GGA2: variants seen among roughly 807,000 people sequenced by gnomAD.
GGA2 encodes the protein golgi associated, gamma adaptin ear containing, ARF binding protein 2.
In GGA2, 48 loss-of-function variants were observed where a neutral mutation model predicts 79.5. The ratio of observed to expected loss-of-function variants is 0.60; its 90% CI spans 0.48 to 0.77. GGA2 has a LOEUF of 0.77. GGA2 is among the 30% of genes least tolerant of loss of function. The probability of loss-of-function intolerance (pLI) is 0.00; values close to 1 mark genes in which losing one functional copy is unlikely to be tolerated. For missense variants in GGA2, 770 were observed against 774.0 expected (o/e 0.99, Z 0.06); for synonymous variants, 317 against 302.0 (o/e 1.05, Z -0.51).
At chr16:23,520,093 A>C (rs1965127106) in intron 1 of GGA2, among the ~76,000 whole-genome samples, 1 of 152,102 alleles carries the variant, frequency 6.6e-6, no homozygotes, top group Admixed American at 6.6e-5. Context: ...CTAAAAATAC[A>C]AAATTAGCTG....
chr16:23,495,830 C>T, intron 1 of GGA2, 52 bp from the exon 2 acceptor site: 1 of 1,173,380 alleles, frequency 8.5e-7, no homozygotes, highest in South Asian at 1.3e-5. Context: ...GAAATTTACA[C>T]CCCTCCCCAT....
chr16:23,491,323 A>C (rs1007042038), intron 5 of GGA2, among the ~76,000 whole-genome samples: 1 of 151,414 alleles, frequency 6.6e-6, no homozygotes, highest in Non-Finnish European at 1.5e-5. Context: ...AAAAAAAAAA[A>C]AAAAAACCAA....
intron 14 of GGA2, among the ~76,000 whole-genome samples, chr16:23,472,515 C>T (rs1318206406): frequency 6.6e-6 from 1 of 151,068 alleles, no homozygotes; most frequent in South Asian, 2.1e-4. Context: ...CTGTTTTTAA[C>T]AGCAAACAGG....
intron 1 of GGA2, chr16:23,501,329 T>G (rs1314293675): frequency 2.2e-6 from 1 of 457,170 alleles, no homozygotes; most frequent in Non-Finnish European, 4.4e-6. Flanking sequence ...CTCCAAGGTT[T>G]GGAGAAATCA....
At chr16:23,502,172 G>A (rs1345018767) in intron 1 of GGA2, among the ~76,000 whole-genome samples, 3 of 152,168 alleles carry the variant, frequency 2.0e-5, no homozygotes, top group Non-Finnish European at 2.9e-5. Context: ...AACAATGGTG[G>A]GAAGAGAGAG....
intron 9 of GGA2, 133 bp downstream of exon 9, chr16:23,482,790 C>T: frequency 1.5e-6 from 1 of 677,024 alleles, no homozygotes; most frequent in Non-Finnish European, 2.7e-6. Flanking sequence ...ACTCAGGCCA[C>T]ACCCTCCCCA....
intron 14 of GGA2, 50 bp downstream of exon 14, chr16:23,474,854 T>C (rs558968874): frequency 7.9e-6 from 11 of 1,390,560 alleles, no homozygotes; most frequent in East Asian, 2.3e-5. Flanking sequence ...GGGAGTCTAA[T>C]AGATTCCCAG....
intron 5 of GGA2, among the ~76,000 whole-genome samples, chr16:23,491,094 A>G (rs1339745796): frequency 6.6e-6 from 1 of 151,872 alleles, no homozygotes; most frequent in Non-Finnish European, 1.5e-5. Context: ...AGAGAGGAAG[A>G]GAGTGTGTGT....
intron 1 of GGA2, among the ~76,000 whole-genome samples, chr16:23,509,629 C>T (rs1273095176): frequency 6.6e-6 from 1 of 151,704 alleles, no homozygotes. Context: ...TAATAATAAC[C>T]CCTAAGATGA....
chr16:23,470,362 C>A (rs573946905), intron 14 of GGA2, among the ~76,000 whole-genome samples, 197 bp from the exon 15 acceptor site: 2 of 152,234 alleles, frequency 1.3e-5, no homozygotes, highest in African/African-American at 4.8e-5. Context: ...TCCAAACTGA[C>A]CTTTCCCCAC....
Position 23,469,266 on chromosome 16 carries a change from G to T in GGA2, c.1621-270C>A, listed in dbSNP as rs2142111829. 4.1e-5 allele frequency: 15 copies of T among 368,802 alleles called. No individual in the cohort carries two copies. The South Asian group carries it at 6.0e-4, about 15-fold the overall frequency. 22.8% of individuals were successfully genotyped at this position (368,802 alleles called of 1,614,324 possible). A position where few individuals can be genotyped will look rare whatever the true frequency, so the allele number is the denominator to read the frequency against. On this transcript the variant is annotated intron_variant, in intron 15 of 16. Coordinates refer to ENST00000309859, the MANE Select transcript of GGA2 (RefSeq NM_015044.4). The stretch of plus-strand genomic sequence containing the variant: ...ATCTGAGACGCAGCATCAACAGCCA[G>T]GGCACATCTTGGGTTGAATTCTAAC...
chr16:23,478,364 TCA>T lies in GGA2; in HGVS notation c.1292+2_1292+3del. ...CTCCCACTCCCCTTGCCCAGAAGAC[TCA>T]CAGAGGGCACGGAGCTGGCTGTGCT... On this transcript the variant is annotated splice_donor_variant and splice_donor_region_variant and intron_variant, in intron 13 of 16. Coordinates refer to ENST00000309859, the MANE Select transcript of GGA2 (RefSeq NM_015044.4). LOFTEE classifies it high-confidence loss of function. The T allele has an allele frequency of 1.3e-6, 2 of 1,577,224 alleles. No individual in the cohort carries two copies. Among genetic ancestry groups the T allele is most frequent in the Non-Finnish European group, 1.7e-6 (2 of 1,160,350 alleles).
intron 1 of GGA2, among the ~76,000 whole-genome samples, chr16:23,504,199 C>A (rs1964950595): frequency 6.6e-6 from 1 of 152,094 alleles, no homozygotes; most frequent in Non-Finnish European, 1.5e-5. Context: ...TACCCAACCA[C>A]AAAGCAAGGG....
upstream of GGA2, chr16:23,524,221 A>G: frequency 1.4e-6 from 1 of 723,046 alleles, no homozygotes; most frequent in Non-Finnish European, 2.4e-6. Context: ...GTGGATCACA[A>G]ATGCACTTGT....
At chr16:23,480,516 G>T (rs1964633313) in intron 10 of GGA2, 129 bp downstream of exon 10, 3 of 773,806 alleles carry the variant, frequency 3.9e-6, no homozygotes, top group Non-Finnish European at 6.1e-6. Context: ...ACTTTCACAG[G>T]AAGGGGAACA....
At chr16:23,508,909 C>T (rs1190645550) in intron 1 of GGA2, among the ~76,000 whole-genome samples, 1 of 152,126 alleles carries the variant, frequency 6.6e-6, no homozygotes, top group Non-Finnish European at 1.5e-5. Context: ...CTGAAACCCG[C>T]GATCTAGCCT....
intron 1 of GGA2, among the ~76,000 whole-genome samples, chr16:23,503,600 C>A (rs1474594219): frequency 1.3e-5 from 2 of 152,128 alleles, no homozygotes; most frequent in Non-Finnish European, 2.9e-5. Context: ...TATCTATTAT[C>A]CCATCATTGT....
chr16:23,518,821 T>C (rs1965118126), intron 2 of GGA2, among the ~76,000 whole-genome samples: 1 of 152,202 alleles, frequency 6.6e-6, no homozygotes, highest in Admixed American at 6.5e-5. Context: ...TCTTGACCCT[T>C]ACTATGTATC....
intron 5 of GGA2, among the ~76,000 whole-genome samples, chr16:23,491,326 A>AC (rs1300741495): frequency 1.3e-5 from 2 of 151,526 alleles, no homozygotes; most frequent in East Asian, 3.9e-4. Flanking sequence ...AAAAAAAAAA[A>AC]AAACCAAAAG....
Sources: allele counts gnomAD v4.1 joint callset (sites outside exome capture counted in the v4.1 genomes callset), GRCh38; gene constraint gnomAD v4.1.1; transcripts MANE v1.5; gene names NCBI Gene and HGNC (gene_info 2026-07-23, HGNC 2026-07-21).